The following DGKK variants were observed in gnomAD, a reference collection of about 807,000 sequenced individuals.
The protein encoded by DGKK is diacylglycerol kinase kappa.
Under a neutral mutation model 92.2 loss-of-function variants are expected in DGKK, and 35 were observed. The observed-to-expected ratio is 0.38, with a 90% CI of 0.29 to 0.50. DGKK has a LOEUF of 0.50. Among genes scored for constraint, DGKK ranks in the 20% least tolerant of loss-of-function variants. The probability of loss-of-function intolerance (pLI) is 0.92; values close to 1 mark genes in which losing one functional copy is unlikely to be tolerated. For synonymous variants in DGKK, 368 were observed against 360.6 expected (o/e 1.02, Z -0.23); for missense variants, 910 against 992.2 (o/e 0.92, Z 1.11).
In DGKK at chrX:50,424,418, T is replaced by A; in HGVS notation, c.646-60A>T. On this transcript the variant is annotated intron_variant, in intron 1 of 27. Transcript: ENST00000611977. Reference sequence around the variant, plus strand: ...TCAATTCATAAGGTCATATCACTTGTTTTCTCAGATGGAAACAGCAGATAT... The same window carrying A: ...TCAATTCATAAGGTCATATCACTTGATTTCTCAGATGGAAACAGCAGATAT... The A allele has an allele frequency of 2.9e-6, 3 of 1,022,501 alleles. No individual in the cohort carries two copies. In the Admixed American group the frequency reaches 7.2e-5, roughly 25 times the overall value. The allele number at this position is 1,022,501 out of a possible 1,213,427, so 84.3% of individuals were successfully genotyped here.
At chrX:50,418,905 T>A (rs1925503330) in intron 4 of DGKK, among the ~76,000 whole-genome samples, 1 of 111,888 alleles carries the variant, frequency 8.9e-6, no homozygotes, top group Non-Finnish European at 1.9e-5. Flanking sequence ...TGCGACCTTT[T>A]ATGCCAAATT....
intron 8 of DGKK, among the ~76,000 whole-genome samples, chrX:50,397,406 C>A (rs1384438302): frequency 1.6e-4 from 18 of 112,234 alleles, no homozygotes; most frequent in Admixed American, 1.5e-3. Context: ...CACCTGAGTA[C>A]AATTGTTATT....
intron 1 of DGKK, among the ~76,000 whole-genome samples, chrX:50,467,511 T>G (rs1926937287): frequency 8.8e-6 from 1 of 113,159 alleles, no homozygotes; most frequent in African/African-American, 3.2e-5. Flanking sequence ...TTTCATTGCA[T>G]GATGAGACCT....
chrX:50,401,085 G>T lies in DGKK; in HGVS notation c.1363C>A (p.Arg455Ser). ...GCAGTGGGAGGAATGACTGATGAGC[G>T]ATGGCTTCTGAAGCAACATTCCTTG... ...FSKECCFRSH[R>S]SSVIPPTALS... Residue 455 changes from arginine (R) to serine (S), a missense_variant, in exon 8 of 28, where the codon CGC becomes AGC. Coordinates refer to ENST00000611977, the MANE Select transcript of DGKK (RefSeq NM_001013742.4). The T allele has an allele frequency of 1.7e-6, 2 of 1,201,923 alleles. No individual in the cohort carries two copies. The highest frequency in any genetic ancestry group is 2.2e-6 in the Non-Finnish European group (2 of 890,674).
intron 1 of DGKK, among the ~76,000 whole-genome samples, chrX:50,449,497 C>T (rs782450514): frequency 3.0e-4 from 33 of 111,471 alleles, no homozygotes; most frequent in African/African-American, 4.9e-4. Context: ...CCTCCCTCTG[C>T]GCAGAGATAG....
chrX:50,403,133 A>G lies in DGKK; in HGVS notation c.1236T>C (p.Cys412=). The G allele has an allele frequency of 8.3e-7, 1 of 1,207,195 alleles. No individual in the cohort carries two copies. The highest frequency in any genetic ancestry group is 1.1e-6 in the Non-Finnish European group (1 of 892,966). ...VEGNMPVSSQ[C]AVCHESCGSY... ...TGCCACAGCTCTCATGACACACTGC[A>G]CACTGAGAGCTGACAGGCATGTTTC... is the stretch of plus-strand genomic sequence containing the variant. The change falls in exon 7 of 28, where the codon TGT becomes TGC. Residue 412 remains cysteine, a synonymous_variant. Coordinates refer to ENST00000611977, the MANE Select transcript of DGKK (RefSeq NM_001013742.4).
intron 5 of DGKK, 133 bp from the exon 6 acceptor site, chrX:50,403,730 A>G (rs1602280046): frequency 1.9e-6 from 1 of 535,729 alleles, no homozygotes; most frequent in African/African-American, 2.3e-5. Context: ...CCAAAAACCT[A>G]TTTCCAATAG....
chrX:50,416,337 C>T (rs1557228531), intron 4 of DGKK, among the ~76,000 whole-genome samples: 2 of 112,152 alleles, frequency 1.8e-5, no homozygotes, highest in African/African-American at 3.2e-5. Flanking sequence ...TCAGCATAAT[C>T]GAGAAGTCAT....
chrX:50,457,702 G>A (rs1205306622), intron 1 of DGKK, among the ~76,000 whole-genome samples: 2 of 111,690 alleles, frequency 1.8e-5, no homozygotes, highest in African/African-American at 3.3e-5. Flanking sequence ...TGGATGGTAC[G>A]TTTATGCCTA....
At chrX:50,421,193 A>G (rs1470514556) in intron 3 of DGKK, among the ~76,000 whole-genome samples, 4 of 111,420 alleles carry the variant, frequency 3.6e-5, no homozygotes, top group Admixed American at 2.9e-4. Flanking sequence ...GGCAGGAATA[A>G]TAAGAATGCC....
chrX:50,454,077 C>A (rs1477428147), intron 1 of DGKK, among the ~76,000 whole-genome samples: 1 of 110,045 alleles, frequency 9.1e-6, no homozygotes, highest in Non-Finnish European at 1.9e-5. Context: ...CTAGAATTCC[C>A]TTCTCATCAC....
In DGKK at chrX:50,470,226, T is replaced by A; in HGVS notation, c.453A>T (p.Pro151=). 8.3e-7 allele frequency: 1 copy of A among 1,211,426 alleles called. No homozygotes were observed. The highest frequency in any genetic ancestry group is 1.7e-5 in the African/African-American group (1 of 57,848). The part of the protein sequence containing the change: ...LTPEVAPELA[P]EPTPEPVTEL... ...CTGTCACAGGTTCTGGGGTCGGCTC[T>A]GGGGCCAGCTCTGGGGCAACTTCTG... is the stretch of plus-strand genomic sequence containing the variant. The change falls in exon 1 of 28, where the codon CCA becomes CCT. Residue 151 remains proline (P), a synonymous_variant. Coordinates refer to ENST00000611977, the MANE Select transcript of DGKK (RefSeq NM_001013742.4).
intron 17 of DGKK, among the ~76,000 whole-genome samples, chrX:50,383,628 T>C (rs1187037532): frequency 1.8e-5 from 2 of 111,646 alleles, no homozygotes; most frequent in African/African-American, 6.5e-5. Flanking sequence ...GATTGGAGTT[T>C]CTCTAACTAA....
At position 50,367,159 on chromosome X, in the gene DGKK, A is replaced by G. The variant is rs1169829892; in HGVS notation, c.*1781T>C. ...CTTGGAATCTGAATTGTGCACCTCA[A>G]TGAACCAGCCATTGGACTGAATCAG... On this transcript the variant is annotated 3_prime_UTR_variant, in exon 28 of 28. Transcript: ENST00000611977. The G allele has an allele frequency of 2.7e-5, 3 of 111,358 alleles. No individual in the cohort carries two copies. The highest frequency in any genetic ancestry group is 2.8e-4 in the East Asian group (1 of 3,529). 9.2% of individuals were successfully genotyped at this position (111,358 alleles called of 1,213,427 possible).
At chrX:50,381,815 C>T (rs1453897587) in intron 18 of DGKK, among the ~76,000 whole-genome samples, 1 of 111,684 alleles carries the variant, frequency 9.0e-6, no homozygotes, top group African/African-American at 3.3e-5. Flanking sequence ...AAAAGACCAG[C>T]AAGAGACTGG....
chrX:50,453,169 A>T, intron 1 of DGKK, among the ~76,000 whole-genome samples: 1 of 111,389 alleles, frequency 9.0e-6, no homozygotes, highest in Middle Eastern at 4.6e-3. Context: ...AGGAACCTAG[A>T]TCATTTCTAG....
chrX:50,419,584 C>G (rs1349676977), intron 4 of DGKK, among the ~76,000 whole-genome samples: 1 of 112,136 alleles, frequency 8.9e-6, no homozygotes, highest in African/African-American at 3.2e-5. Context: ...CATTCTCTGT[C>G]CAAATTCTGG....
intron 1 of DGKK, among the ~76,000 whole-genome samples, chrX:50,466,017 C>CTTTTTTTTTTTTT (rs72090197): frequency 4.7e-3 from 203 of 42,755 alleles, no homozygotes; most frequent in African/African-American, 7.1e-3. Context: ...TTTCTTTTTT[C>CTTTTTTTTTTTTT]TTTTTTTTTT....
intron 1 of DGKK, among the ~76,000 whole-genome samples, chrX:50,461,925 A>T (rs1486167108): frequency 9.0e-6 from 1 of 111,456 alleles, no homozygotes; most frequent in Non-Finnish European, 1.9e-5. Context: ...GCCAGCACAT[A>T]ATGAAACATA....
Sources: allele counts gnomAD v4.1 joint callset (sites outside exome capture counted in the v4.1 genomes callset), GRCh38; gene constraint gnomAD v4.1.1; transcripts MANE v1.5; gene names NCBI Gene and HGNC (gene_info 2026-07-23, HGNC 2026-07-21).